The following NAV2 variants were observed in gnomAD, a reference collection of about 807,000 sequenced individuals.
NAV2 encodes the protein neuron navigator 2, also known as helicase, APC down-regulated 1.
A neutral mutation model predicts 223.2 loss-of-function variants in NAV2; 54 were observed. The observed-to-expected ratio is 0.24, with a 90% CI of 0.19 to 0.30. The LOEUF (loss-of-function observed/expected upper bound fraction) is 0.30, where lower values mean the gene tolerates loss of function less well. Among genes scored for constraint, NAV2 ranks in the 10% least tolerant of loss-of-function variants. NAV2 has a pLI of 1.00. For synonymous variants in NAV2, 1,279 were observed against 1,239.3 expected (o/e 1.03, Z -0.67); for missense variants, 2,806 against 3,147.5 (o/e 0.89, Z 2.60).
intron 1 of NAV2, among the ~76,000 whole-genome samples, chr11:19,806,831 G>A (rs569497531): frequency 6.6e-6 from 1 of 152,322 alleles, no homozygotes; most frequent in African/African-American, 2.4e-5. Flanking sequence ...TTGGGTGTCA[G>A]TGAAATGCCC....
chr11:19,911,777 C>A (rs1657289827), intron 6 of NAV2, among the ~76,000 whole-genome samples: 1 of 152,200 alleles, frequency 6.6e-6, no homozygotes, highest in African/African-American at 2.4e-5. Context: ...AGACTCCAAA[C>A]TTCTGTCCAA....
chr11:20,109,332 C>T (rs752987508), intron 36 of NAV2, among the ~76,000 whole-genome samples: 1 of 152,158 alleles, frequency 6.6e-6, no homozygotes, highest in East Asian at 1.9e-4. Flanking sequence ...TTTTGGCCAG[C>T]CTAAAATCAT....
At chr11:19,607,017 G>T (rs573718850) in intron 1 of NAV2, among the ~76,000 whole-genome samples, 1 of 152,264 alleles carries the variant, frequency 6.6e-6, no homozygotes, top group South Asian at 2.1e-4. Flanking sequence ...CACCGTATGG[G>T]CCAGCTCCCA....
At chr11:19,901,346 A>T (rs940352413) in intron 6 of NAV2, among the ~76,000 whole-genome samples, 1 of 152,180 alleles carries the variant, frequency 6.6e-6, no homozygotes, top group Non-Finnish European at 1.5e-5. Context: ...CTGGAGTTTG[A>T]GACCAGCCTG....
intron 11 of NAV2, among the ~76,000 whole-genome samples, chr11:19,993,104 T>G (rs920030103): frequency 2.6e-5 from 4 of 152,194 alleles, no homozygotes; most frequent in Admixed American, 2.0e-4. Flanking sequence ...AGTCAGAATT[T>G]GACTATATCT....
chr11:20,100,916 T>C, intron 31 of NAV2, 21 bp from the exon 32 acceptor site: 1 of 1,604,960 alleles, frequency 6.2e-7, no homozygotes, highest in Non-Finnish European at 8.5e-7. Flanking sequence ...TTCAGATGAT[T>C]CCTGTCTCTC....
At chr11:19,405,887 TG>T (rs902811085) in intron 1 of NAV2, among the ~76,000 whole-genome samples, 2 of 152,196 alleles carry the variant, frequency 1.3e-5, no homozygotes, top group Admixed American at 1.3e-4. Flanking sequence ...AATGCCAAAG[TG>T]TTATCTAGGA....
intron 10 of NAV2, among the ~76,000 whole-genome samples, chr11:19,958,731 AC>A (rs1267285838): frequency 6.6e-6 from 1 of 152,166 alleles, no homozygotes; most frequent in African/African-American, 2.4e-5. Context: ...CAGCGGTGGC[AC>A]CTTGAGGACA....
intron 1 of NAV2, among the ~76,000 whole-genome samples, chr11:19,477,019 C>G (rs1045877558): frequency 2.0e-5 from 3 of 152,174 alleles, no homozygotes; most frequent in Non-Finnish European, 4.4e-5. Context: ...CAGCCCCACC[C>G]TCCATCATAT....
At position 19,734,687 on chromosome 11, in the gene NAV2, A is replaced by G. The variant is rs79011977; in HGVS notation, c.267+20725A>G. Among the ~76,000 whole-genome samples the G allele has an allele frequency of 8.8e-4, 134 of 152,296 alleles. 2 individuals carry two copies. The East Asian group carries it at 0.02, about 23-fold the overall frequency. On this transcript the variant is annotated intron_variant, in intron 1 of 37. Transcript: ENST00000349880. ...TCCTGGGGTTAGGAAGGGATGGGAAAAGTTCATGCATCCCTCCCCTAACTC... is the reference window on the plus strand; with the variant it reads ...TCCTGGGGTTAGGAAGGGATGGGAAGAGTTCATGCATCCCTCCCCTAACTC...
At chr11:19,419,609 C>T (rs1044369295) in intron 1 of NAV2, among the ~76,000 whole-genome samples, 1 of 152,154 alleles carries the variant, frequency 6.6e-6, no homozygotes, top group Non-Finnish European at 1.5e-5. Flanking sequence ...CTTTTCATTT[C>T]CTTGTAGACA....
chr11:19,788,777 T>G (rs1314005184), intron 1 of NAV2, among the ~76,000 whole-genome samples: 1 of 152,184 alleles, frequency 6.6e-6, no homozygotes, highest in Non-Finnish European at 1.5e-5. Context: ...GCCCATGGCA[T>G]TCCCTTGCCC....
At chr11:19,466,293 C>T (rs1316839142) in intron 1 of NAV2, among the ~76,000 whole-genome samples, 1 of 152,198 alleles carries the variant, frequency 6.6e-6, no homozygotes, top group East Asian at 1.9e-4. Flanking sequence ...TCCATTTGCA[C>T]CTGTCCACAA....
intron 1 of NAV2, among the ~76,000 whole-genome samples, chr11:19,734,554 G>T (rs1440353329): frequency 6.6e-6 from 1 of 152,188 alleles, no homozygotes; most frequent in African/African-American, 2.4e-5. Context: ...TCATGCTCAA[G>T]CATTCGTTGC....
intron 11 of NAV2, among the ~76,000 whole-genome samples, chr11:20,025,346 G>A (rs1304341451): frequency 6.6e-6 from 1 of 152,196 alleles, no homozygotes; most frequent in Admixed American, 6.5e-5. Flanking sequence ...GATGTTTAGG[G>A]GAAATATATC....
intron 1 of NAV2, among the ~76,000 whole-genome samples, chr11:19,585,234 A>T (rs1446097586): frequency 6.6e-6 from 1 of 152,064 alleles, no homozygotes; most frequent in Non-Finnish European, 1.5e-5. Context: ...TTTGCTTGGT[A>T]GATCTTCCTC....
intron 1 of NAV2, among the ~76,000 whole-genome samples, chr11:19,823,246 C>T (rs575077550): frequency 4.6e-5 from 7 of 152,128 alleles, no homozygotes; most frequent in East Asian, 3.9e-4. Context: ...TCACTTTTGT[C>T]GCTCAGGCTG....
intron 10 of NAV2, among the ~76,000 whole-genome samples, chr11:19,973,281 A>G (rs1035330613): frequency 6.6e-6 from 1 of 152,174 alleles, no homozygotes; most frequent in East Asian, 1.9e-4. Context: ...GGCTCTAGTC[A>G]TCTTCCAAAG....
chr11:19,675,385 C>G (rs998559326), intron 1 of NAV2, among the ~76,000 whole-genome samples: 1 of 152,194 alleles, frequency 6.6e-6, no homozygotes, highest in African/African-American at 2.4e-5. Flanking sequence ...GCCTTTCCTG[C>G]CCACCAGGAC....
Sources: allele counts gnomAD v4.1 joint callset (sites outside exome capture counted in the v4.1 genomes callset), GRCh38; gene constraint gnomAD v4.1.1; transcripts MANE v1.5; gene names NCBI Gene and HGNC (gene_info 2026-07-23, HGNC 2026-07-21).